Variants in SLC30A6 observed in about 807,000 individuals in gnomAD.
The protein encoded by SLC30A6 is zinc transporter 6.
A neutral mutation model predicts 63.0 loss-of-function variants in SLC30A6; 55 were observed. The observed-to-expected ratio is 0.87, with a 90% CI of 0.70 to 1.09. The LOEUF (loss-of-function observed/expected upper bound fraction) is 1.09. Among genes scored for constraint, SLC30A6 ranks in the 50% least tolerant of loss-of-function variants. The pLI, the probability that SLC30A6 is intolerant of heterozygous loss-of-function variation, is 0.00. For missense variants in SLC30A6, 587 were observed against 549.2 expected (o/e 1.07, Z -0.69); for synonymous variants, 224 against 186.1 (o/e 1.20, Z -1.66).
intron 3 of SLC30A6, among the ~76,000 whole-genome samples, chr2:32,174,773 C>A (rs1045166126): frequency 6.8e-6 from 1 of 146,808 alleles, no homozygotes; most frequent in African/African-American, 2.5e-5. Flanking sequence ...AGGATGGTCT[C>A]GATCTCCTGA....
At chr2:32,176,862 T>C (rs962932807) in intron 4 of SLC30A6, among the ~76,000 whole-genome samples, 1 of 151,228 alleles carries the variant, frequency 6.6e-6, no homozygotes, top group Non-Finnish European at 1.5e-5. Context: ...AACCTTCGCC[T>C]CCCAGTTTCA....
Position 32,184,312 on chromosome 2 carries a change from G to T in SLC30A6, c.258G>T (p.Arg86Ser). 6.5e-7 allele frequency: 1 copy of T among 1,529,654 alleles called. No homozygotes were observed. The highest frequency in any genetic ancestry group is 8.8e-7 in the Non-Finnish European group (1 of 1,132,808). 94.8% of individuals were successfully genotyped at this position (1,529,654 alleles called of 1,614,324 possible). A position where few individuals can be genotyped will look rare whatever the true frequency, so the allele number is the denominator to read the frequency against. ...TCLISYWVTL[R>S]KPSPVYSFGF... Reference sequence around the variant, plus strand: ...TAATAAGTTACTGGGTAACATTGAGGAAACCTAGCCCTGTCTATTCATTTG... The same window carrying T: ...TAATAAGTTACTGGGTAACATTGAGTAAACCTAGCCCTGTCTATTCATTTG... Residue 86 changes from arginine (R) to serine (S), a missense_variant, in exon 5 of 14, where the codon AGG becomes AGT. Physicochemically the swap from Arg to Ser is moderately radical, Grantham distance 110. Coordinates refer to ENST00000282587, the MANE Select transcript of SLC30A6 (RefSeq NM_017964.5).
intron 1 of SLC30A6, among the ~76,000 whole-genome samples, chr2:32,168,797 T>G (rs1009285936): frequency 6.6e-6 from 1 of 152,192 alleles, no homozygotes; most frequent in Non-Finnish European, 1.5e-5. Context: ...GAGTAAGAGA[T>G]AAGACTGGAA....
intron 12 of SLC30A6, among the ~76,000 whole-genome samples, chr2:32,208,590 A>AT (rs1031366144): frequency 1.7e-3 from 246 of 143,116 alleles, no homozygotes; most frequent in East Asian, 1.6e-3. Flanking sequence ...AAATGCTGTG[A>AT]TTTTTTTTTT....
At chr2:32,177,944 ATTTTTTTTTT>A (rs1042062133) in intron 4 of SLC30A6, among the ~76,000 whole-genome samples, 1 of 120,472 alleles carries the variant, frequency 8.3e-6, no homozygotes, top group African/African-American at 3.1e-5. Flanking sequence ...TTTTGAGTTA[ATTTTTTTTTT>A]TTTTTTTTTT....
At position 32,205,909 on chromosome 2, in the gene SLC30A6, C is replaced by T. The variant is rs561266520; in HGVS notation, c.769-977C>T. 5.9e-5 allele frequency among the ~76,000 whole-genome samples: 9 copies of T among 151,850 alleles called. No homozygotes were observed. The East Asian group carries it at 1.8e-3, about 30-fold the overall frequency. On this transcript the variant is annotated intron_variant, in intron 11 of 13. Coordinates refer to ENST00000282587, the MANE Select transcript of SLC30A6 (RefSeq NM_017964.5). Reference sequence around the variant, plus strand: ...TCTCAAATTCCTGACCTCAGGTGAGCCACCCGCCTTGAACCTCCTAAAGTG... The same window carrying T: ...TCTCAAATTCCTGACCTCAGGTGAGTCACCCGCCTTGAACCTCCTAAAGTG...
Position 32,224,373 on chromosome 2 carries a change from G to A in SLC30A6, c.*3660G>A, listed in dbSNP as rs574858978. ...ATCATCAAATTAAACTTCTTTCCAC[G>A]TCCTTATCTTCTTTGGCATCCTTTT... On this transcript the variant is annotated 3_prime_UTR_variant, in exon 14 of 14. Transcript: ENST00000282587. 3.6e-5 allele frequency: 29 copies of A among 795,346 alleles called. No individual in the cohort carries two copies. The highest frequency in any genetic ancestry group is 5.9e-5 in the South Asian group (3 of 50,820). 49.3% of individuals were successfully genotyped at this position (795,346 alleles called of 1,614,324 possible).
intron 8 of SLC30A6, 140 bp from the exon 9 acceptor site, chr2:32,197,204 A>G (rs1683867110): frequency 5.8e-6 from 4 of 686,018 alleles, no homozygotes; most frequent in East Asian, 2.8e-5. Flanking sequence ...AAACATTTAT[A>G]GATTTGAGGA....
chr2:32,180,798 C>G (rs571054629), intron 4 of SLC30A6, among the ~76,000 whole-genome samples: 1 of 152,244 alleles, frequency 6.6e-6, no homozygotes, highest in South Asian at 2.1e-4. Flanking sequence ...TATTTGATAA[C>G]AAACTAACGG....
intron 4 of SLC30A6, among the ~76,000 whole-genome samples, chr2:32,181,933 C>CTTTTTT (rs34589397): frequency 4.7e-4 from 58 of 122,902 alleles, no homozygotes; most frequent in African/African-American, 7.0e-4. Context: ...TTTTTCTTTT[C>CTTTTTT]TTTTTTTTTT....
intron 4 of SLC30A6, among the ~76,000 whole-genome samples, chr2:32,181,346 G>A (rs918464751): frequency 6.6e-6 from 1 of 152,114 alleles, no homozygotes; most frequent in Non-Finnish European, 1.5e-5. Context: ...CAACTGTGAT[G>A]TACTGTAAGT....
intron 3 of SLC30A6, among the ~76,000 whole-genome samples, chr2:32,174,738 G>C (rs1295799542): frequency 1.3e-5 from 2 of 151,084 alleles, no homozygotes; most frequent in African/African-American, 4.9e-5. Context: ...AGTTTTGGTA[G>C]AGATGGGGTT....
chr2:32,174,883 C>G (rs1007213346), intron 3 of SLC30A6, among the ~76,000 whole-genome samples: 2 of 152,138 alleles, frequency 1.3e-5, no homozygotes, highest in Admixed American at 6.5e-5. Flanking sequence ...TAGATTAAAA[C>G]TTTAATTTAT....
intron 13 of SLC30A6, among the ~76,000 whole-genome samples, chr2:32,213,838 C>T (rs1479750709): frequency 8.2e-6 from 1 of 121,786 alleles, no homozygotes; most frequent in Non-Finnish European, 1.6e-5. Context: ...GAGTCTCACA[C>T]TGTCACCTGG....
At chr2:32,202,959 G>C in intron 10 of SLC30A6, 1 of 1,132,360 alleles carries the variant, frequency 8.8e-7, no homozygotes, top group Non-Finnish European at 1.3e-6. Flanking sequence ...AGTCTACAGT[G>C]GGTCTGAAGG....
chr2:32,215,831 C>T (rs1180279171), intron 13 of SLC30A6, among the ~76,000 whole-genome samples: 6 of 151,526 alleles, frequency 4.0e-5, no homozygotes, highest in African/African-American at 1.5e-4. Context: ...CAGCCTTCCT[C>T]GTAGCTGGGA....
Position 32,209,082 on chromosome 2 carries a change from C to T in SLC30A6, c.817-411C>T, listed in dbSNP as rs141877018. ...CATCCAAACAACATCCTGTGTTGTG[C>T]AGAGATTTGTTATAAGGGATTTCAG... On this transcript the variant is annotated intron_variant, in intron 12 of 13. Transcript: ENST00000282587. 3.0e-4 allele frequency among the ~76,000 whole-genome samples: 46 copies of T among 152,144 alleles called. 1 individual carries two copies. The South Asian group carries it at 8.7e-3, about 29-fold the overall frequency.
At chr2:32,199,625 G>A (rs1323906447) in intron 10 of SLC30A6, among the ~76,000 whole-genome samples, 1 of 151,830 alleles carries the variant, frequency 6.6e-6, no homozygotes, top group African/African-American at 2.4e-5. Flanking sequence ...ACCCTGTTTT[G>A]CTATCAAATA....
chr2:32,194,129 T>G (rs1256530123), intron 8 of SLC30A6, 146 bp downstream of exon 8: 1 of 539,444 alleles, frequency 1.9e-6, no homozygotes, highest in Non-Finnish European at 3.1e-6. Context: ...AAGTCTTTTT[T>G]AAGTGGAAAA....
Sources: allele counts gnomAD v4.1 joint callset (sites outside exome capture counted in the v4.1 genomes callset), GRCh38; gene constraint gnomAD v4.1.1; transcripts MANE v1.5; gene names NCBI Gene and HGNC (gene_info 2026-07-23, HGNC 2026-07-21).